CNTLN: variants seen among roughly 807,000 people sequenced by gnomAD.
The protein encoded by CNTLN is centlein, centrosomal protein.
Under a neutral mutation model 180.0 loss-of-function variants are expected in CNTLN, and 212 were observed. The ratio of observed to expected loss-of-function variants is 1.18; its 90% CI spans 1.05 to 1.32. The LOEUF is 1.32. Ranked by LOEUF, CNTLN falls within the 40% of genes most tolerant of loss-of-function variation. The probability of loss-of-function intolerance (pLI) is 0.00; values close to 1 mark genes in which losing one functional copy is unlikely to be tolerated. For missense variants in CNTLN, 2,095 were observed against 1,610.9 expected (o/e 1.30, Z -5.14); for synonymous variants, 722 against 563.1 (o/e 1.28, Z -3.99).
intron 6 of CNTLN, among the ~76,000 whole-genome samples, chr9:17,274,255 C>A (rs1828144551): frequency 6.7e-6 from 1 of 150,312 alleles, no homozygotes. Flanking sequence ...TGTTTTAAAG[C>A]AGTCTTTCTA....
chr9:17,194,566 T>A (rs1369436739), intron 2 of CNTLN, among the ~76,000 whole-genome samples: 3 of 152,186 alleles, frequency 2.0e-5, no homozygotes, highest in Non-Finnish European at 4.4e-5. Flanking sequence ...GCCTAGACTT[T>A]ATTATCCATA....
At chr9:17,278,542 T>G (rs1188862588) in intron 6 of CNTLN, among the ~76,000 whole-genome samples, 1 of 152,174 alleles carries the variant, frequency 6.6e-6, no homozygotes, top group Non-Finnish European at 1.5e-5. Flanking sequence ...AGCTCTTTCA[T>G]GTTTCTTGTT....
chr9:17,252,231 A>G (rs985750239), intron 5 of CNTLN, among the ~76,000 whole-genome samples: 4 of 151,790 alleles, frequency 2.6e-5, no homozygotes, highest in African/African-American at 9.7e-5. Context: ...TGATATACTG[A>G]TTTCTTTTCC....
At chr9:17,205,200 G>C (rs1054548028) in intron 2 of CNTLN, among the ~76,000 whole-genome samples, 3 of 152,178 alleles carry the variant, frequency 2.0e-5, no homozygotes, top group Non-Finnish European at 2.9e-5. Context: ...CCCTTGTTCT[G>C]TGTGGGAAAC....
intron 8 of CNTLN, among the ~76,000 whole-genome samples, chr9:17,326,088 G>A (rs1820271457): frequency 6.6e-6 from 1 of 151,898 alleles, no homozygotes; most frequent in African/African-American, 2.4e-5. Context: ...ATCTTCTACA[G>A]AACTTTTCAA....
At chr9:17,407,493 C>G (rs992653338) in intron 15 of CNTLN, among the ~76,000 whole-genome samples, 2 of 152,146 alleles carry the variant, frequency 1.3e-5, no homozygotes, top group African/African-American at 4.8e-5. Flanking sequence ...ACAATAGAAT[C>G]AAGATCCCCA....
Position 17,301,296 on chromosome 9 carries a change from G to A in CNTLN, c.1146+2944G>A, listed in dbSNP as rs1005329199. 11 of 985,188 alleles carry A rather than the reference G, an allele frequency of 1.1e-5. No homozygotes were observed. The Admixed American group carries it at 2.5e-4, about 22-fold the overall frequency. The allele number at this position is 985,188 out of a possible 1,614,324, so 61.0% of individuals were successfully genotyped here. On this transcript the variant is annotated intron_variant, in intron 7 of 25. Coordinates refer to ENST00000380647, the MANE Select transcript of CNTLN (RefSeq NM_017738.4). Reference sequence around the variant, plus strand: ...GTGATCTGGGGTACATTTTGAAACCGTAAACACTTTTCTTCTAGGATTATG... The same window carrying A: ...GTGATCTGGGGTACATTTTGAAACCATAAACACTTTTCTTCTAGGATTATG...
chr9:17,524,926 C>G, the CNTLN span, among the ~76,000 whole-genome samples: 1 of 152,164 alleles, frequency 6.6e-6, no homozygotes, highest in Non-Finnish European at 1.5e-5. Flanking sequence ...TAGGAGCTAG[C>G]CTTGGTATTT....
At chr9:17,345,701 C>G (rs2133242774) in intron 12 of CNTLN, among the ~76,000 whole-genome samples, 1 of 152,116 alleles carries the variant, frequency 6.6e-6, no homozygotes, top group East Asian at 1.9e-4. Context: ...AATATTTTCT[C>G]TAATTACATT....
chr9:17,513,549 T>C, the CNTLN span, among the ~76,000 whole-genome samples: 4 of 151,852 alleles, frequency 2.6e-5, no homozygotes, highest in Non-Finnish European at 5.9e-5. Context: ...TACAAAAAAC[T>C]AGCCTGGTGT....
At chr9:17,439,172 C>T (rs937300286) in intron 18 of CNTLN, among the ~76,000 whole-genome samples, 2 of 151,968 alleles carry the variant, frequency 1.3e-5, no homozygotes, top group African/African-American at 4.8e-5. Context: ...ATAACTTAGG[C>T]TCAAAATAAA....
At chr9:17,515,111 T>C in the CNTLN span, among the ~76,000 whole-genome samples, 1 of 152,316 alleles carries the variant, frequency 6.6e-6, no homozygotes, top group South Asian at 2.1e-4. Context: ...GGTCTGTACA[T>C]TGTCAAATCC....
intron 2 of CNTLN, among the ~76,000 whole-genome samples, chr9:17,218,283 C>G (rs769180552): frequency 1.3e-5 from 2 of 151,980 alleles, no homozygotes; most frequent in Non-Finnish European, 2.9e-5. Flanking sequence ...CATTTTATAT[C>G]AAAGTTTTTA....
rs186484491 is a variant in CNTLN, at chr9:17,215,452, G to T, written c.450-10751G>T. ...GAGTACCCAGACATGTGAGGTGTCA[G>T]TCTGCCCCTACTAGGGGGTGCCTCC... On this transcript the variant is annotated intron_variant, in intron 2 of 25. Transcript: ENST00000380647. Among the ~76,000 whole-genome samples the T allele has an allele frequency of 3.8e-3, 561 of 146,182 alleles. 1 individual carries two copies. Among genetic ancestry groups the T allele is most frequent in the African/African-American group, 0.014 (499 of 35,760 alleles).
At chr9:17,360,563 T>A (rs1403385346) in intron 12 of CNTLN, among the ~76,000 whole-genome samples, 1 of 152,142 alleles carries the variant, frequency 6.6e-6, no homozygotes, top group Non-Finnish European at 1.5e-5. Context: ...AAGAGATTCT[T>A]GCTAAACTGA....
At chr9:17,192,276 T>C (rs562932936) in intron 2 of CNTLN, among the ~76,000 whole-genome samples, 53 of 142,424 alleles carry the variant, frequency 3.7e-4, no homozygotes, top group African/African-American at 1.3e-3. Flanking sequence ...TCTCGTTCTG[T>C]CACCCAGGCC....
At chr9:17,156,551 T>C (rs1309256466) in intron 2 of CNTLN, among the ~76,000 whole-genome samples, 2 of 152,168 alleles carry the variant, frequency 1.3e-5, no homozygotes, top group African/African-American at 4.8e-5. Context: ...TTGGGTTATT[T>C]ATTCTGTAGA....
intron 2 of CNTLN, among the ~76,000 whole-genome samples, chr9:17,210,848 G>A (rs1362916837): frequency 6.6e-6 from 1 of 152,126 alleles, no homozygotes; most frequent in Non-Finnish European, 1.5e-5. Context: ...CTGCATAAAT[G>A]TCTTCTTTTG....
At chr9:17,498,444 C>A (rs1833572935) in intron 25 of CNTLN, among the ~76,000 whole-genome samples, 1 of 152,054 alleles carries the variant, frequency 6.6e-6, no homozygotes, top group South Asian at 2.1e-4. Flanking sequence ...GTCAGAGAAG[C>A]TAAAAATCTG....
Sources: gnomAD v4.1 joint callset for allele counts (sites outside exome capture counted in the v4.1 genomes callset) on GRCh38, gnomAD v4.1.1 for gene constraint, MANE v1.5 for transcripts, NCBI Gene and HGNC (gene_info 2026-07-23, HGNC 2026-07-21) for gene names.